PCDHGA4: variants seen among roughly 807,000 people sequenced by gnomAD.
The protein encoded by PCDHGA4 is protocadherin gamma subfamily A, 4.
In PCDHGA4, 38 loss-of-function variants were observed where a neutral mutation model predicts 54.6. That is an observed-to-expected ratio of 0.70 (90% CI 0.54 to 0.91). The LOEUF is 0.91. Ranked by LOEUF, PCDHGA4 falls within the 40% of genes least tolerant of loss-of-function variation. PCDHGA4 has a pLI of 0.00. For missense variants in PCDHGA4, 1,298 were observed against 1,220.9 expected, an observed-to-expected ratio of 1.06 and a Z score of -0.94; for synonymous variants, 511 against 512.9, an observed-to-expected ratio of 1.00 and a Z score of 0.05.
intron 2 of PCDHGA4, among the ~76,000 whole-genome samples, chr5:141,502,337 T>C (rs1562205634): frequency 6.6e-6 from 1 of 152,184 alleles, no homozygotes; most frequent in Admixed American, 6.5e-5. Flanking sequence ...CCCAGTCTTT[T>C]TATTTTTTTA....
intron 1 of PCDHGA4, chr5:141,423,051 C>T (rs200022455): frequency 1.7e-5 from 28 of 1,614,084 alleles, no homozygotes; most frequent in Non-Finnish European, 2.3e-5. Context: ...TGTCCTATCG[C>T]CTGCTTAAGG....
chr5:141,431,681 G>A lies in PCDHGA4; in HGVS notation c.2515-63126G>A. The A allele has an allele frequency of 6.2e-7, 1 of 1,614,214 alleles. No homozygotes were observed. The highest frequency in any genetic ancestry group is 1.1e-5 in the South Asian group (1 of 91,086). ...GACAATATCAACAATAGGGGAGTTG[G>A]ACCACGAGGAGTCAGGATTCTACCA... On this transcript the variant is annotated intron_variant, in intron 1 of 3. Coordinates refer to ENST00000571252, the MANE Select transcript of PCDHGA4 (RefSeq NM_018917.4). This position sits in a 1 kb window ranked among gnomAD's most constrained non-coding sequence, Gnocchi z 4.8.
At chr5:141,360,253 G>A in intron 1 of PCDHGA4, 1 of 1,613,900 alleles carries the variant, frequency 6.2e-7, no homozygotes, top group Non-Finnish European at 8.5e-7. Flanking sequence ...AATTCCAGAG[G>A]AGCTGGCCAA....
At chr5:141,433,358 C>CCTGCCTAT (rs1554125966) in intron 1 of PCDHGA4, 1 of 498,106 alleles carries the variant, frequency 2.0e-6, no homozygotes, top group Non-Finnish European at 3.5e-6. Flanking sequence ...CTACTGTCTG[C>CCTGCCTAT]CTATCTATCT....
rs1186225096 is a variant in PCDHGA4, at chr5:141,490,605, C to G, written c.2515-4202C>G. The G allele has an allele frequency of 1.1e-5, 18 of 1,614,198 alleles. No homozygotes were observed. Among genetic ancestry groups the G allele is most frequent in the Non-Finnish European group, 1.5e-5 (18 of 1,180,030 alleles). On this transcript the variant is annotated intron_variant, in intron 1 of 3. Transcript: ENST00000571252. The surrounding 1 kb of genome is among the most constrained non-coding windows in gnomAD (Gnocchi z 5.4). ...TCAATGACAATGCACCCCGCTTCAACCAGCAGCTTTACACTGCTTACATCC... is the reference window on the plus strand; with the variant it reads ...TCAATGACAATGCACCCCGCTTCAAGCAGCAGCTTTACACTGCTTACATCC...
rs534304763 is a variant in PCDHGA4 at position 141,394,533 on chromosome 5, G to A, written c.2514+36912G>A. On this transcript the variant is annotated intron_variant, in intron 1 of 3. Transcript: ENST00000571252. The stretch of plus-strand genomic sequence containing the variant: ...CGCCCTCCCCACAGACGGTTCCACT[G>A]GCGTGGAGCTGGCGCCCCGCTCCGC... The A allele has an allele frequency of 2.1e-5, 34 of 1,614,210 alleles. 1 individual carries two copies. In the South Asian group the frequency reaches 3.0e-4, roughly 14 times the overall value.
rs2095830931 is a variant in PCDHGA4 at position 141,415,116 on chromosome 5, A to G, written c.2514+57495A>G. 3 of 1,613,652 alleles carry G rather than the reference A, an allele frequency of 1.9e-6. No individual in the cohort carries two copies. The East Asian group carries it at 6.7e-5, about 36-fold the overall frequency. On this transcript the variant is annotated intron_variant, in intron 1 of 3. Transcript: ENST00000571252. The stretch of plus-strand genomic sequence containing the variant: ...GAGACGCGCTCAAGCAAAGCCTCGT[A>G]GTGGCCGTCCAGGACCACGGCCAGC...
rs770930842 is a variant in PCDHGA4 at position 141,432,673 on chromosome 5, C to G, written c.2515-62134C>G. 10 of 1,613,804 alleles carry G rather than the reference C, an allele frequency of 6.2e-6. No homozygotes were observed. The East Asian group carries it at 1.3e-4, about 22-fold the overall frequency. ...GAGCCCTGCTGGACAGAGACGCGCT[C>G]AAGCAGAGCCTCGTAGTGGCCGTCC... is the stretch of plus-strand genomic sequence containing the variant. On this transcript the variant is annotated intron_variant, in intron 1 of 3. Transcript: ENST00000571252. The surrounding 1 kb of genome is among the most constrained non-coding windows in gnomAD (Gnocchi z 6.0).
At chr5:141,413,353 C>T (rs2095629361) in intron 1 of PCDHGA4, 2 of 1,613,844 alleles carry the variant, frequency 1.2e-6, no homozygotes, top group Middle Eastern at 1.6e-4. Context: ...GGGTCTGGCG[C>T]CCCGGGAGCT....
Position 141,389,843 on chromosome 5 carries a change from G to C in PCDHGA4, c.2514+32222G>C, listed in dbSNP as rs372102656. On this transcript the variant is annotated intron_variant, in intron 1 of 3. Coordinates refer to ENST00000571252, the MANE Select transcript of PCDHGA4 (RefSeq NM_018917.4). The stretch of plus-strand genomic sequence containing the variant: ...GTGACGGTGGACAGCCACCACTCTC[G>C]GCCACTGCCACGTTGCACCTGGTCT... 2.4e-5 allele frequency: 39 copies of C among 1,614,016 alleles called. No homozygotes were observed. The African/African-American group carries it at 4.1e-4, about 17-fold the overall frequency.
intron 1 of PCDHGA4, chr5:141,430,640 G>A (rs902915974): frequency 1.1e-6 from 1 of 916,196 alleles, no homozygotes; most frequent in East Asian, 2.7e-5. Flanking sequence ...ATCCCTGGGA[G>A]TATGTGGAAA....
At chr5:141,364,328 G>A in intron 1 of PCDHGA4, 1 of 1,530,786 alleles carries the variant, frequency 6.5e-7, no homozygotes. Context: ...CAGAGAGAAG[G>A]CAATGGCGAG....
chr5:141,382,940 T>A, intron 1 of PCDHGA4: 1 of 1,595,270 alleles, frequency 6.3e-7, no homozygotes, highest in Non-Finnish European at 8.6e-7. Flanking sequence ...AGAGGATTCT[T>A]CCTGCTCTCC....
intron 1 of PCDHGA4, among the ~76,000 whole-genome samples, chr5:141,444,942 A>C (rs1272061494): frequency 6.6e-6 from 1 of 152,082 alleles, no homozygotes; most frequent in Non-Finnish European, 1.5e-5. Flanking sequence ...AGGAGGGAGG[A>C]GGATCATCTT....
intron 1 of PCDHGA4, among the ~76,000 whole-genome samples, chr5:141,464,370 T>C (rs1239284694): frequency 6.6e-6 from 1 of 151,828 alleles, no homozygotes. Context: ...CCAATATTTT[T>C]GCAATATAAA....
At chr5:141,460,411 T>TG (rs2098988114) in intron 1 of PCDHGA4, among the ~76,000 whole-genome samples, 1 of 152,212 alleles carries the variant, frequency 6.6e-6, no homozygotes, top group Non-Finnish European at 1.5e-5. Context: ...TTTGAGTTGA[T>TG]GTTTATGTAT....
chr5:141,485,387 C>T lies in PCDHGA4; in HGVS notation c.2515-9420C>T. The T allele has an allele frequency of 6.2e-7, 1 of 1,614,078 alleles. No homozygotes were observed. Among genetic ancestry groups the T allele is most frequent in the Non-Finnish European group, 8.5e-7 (1 of 1,179,994 alleles). On this transcript the variant is annotated intron_variant, in intron 1 of 3. Coordinates refer to ENST00000571252, the MANE Select transcript of PCDHGA4 (RefSeq NM_018917.4). This position sits in a 1 kb window ranked among gnomAD's most constrained non-coding sequence, Gnocchi z 5.7. ...GCTGCAGGTCGCTGGAGAGGTGAAC[C>T]AAAGACACTTCCGTGTGGATTTGGA...
chr5:141,499,689 C>CTTTT (rs545067566), intron 2 of PCDHGA4, among the ~76,000 whole-genome samples: 17 of 119,848 alleles, frequency 1.4e-4, no homozygotes, highest in East Asian at 2.4e-4. Context: ...TAACAGATGA[C>CTTTT]TTTTTTTTTT....
At chr5:141,426,480 C>T (rs1379758117) in intron 1 of PCDHGA4, 4 of 325,590 alleles carry the variant, frequency 1.2e-5, no homozygotes, top group Non-Finnish European at 1.8e-5. Flanking sequence ...TGACCTGAAA[C>T]CTTAGAGTTA....
Sources: gnomAD v4.1 joint callset for allele counts (sites outside exome capture counted in the v4.1 genomes callset) on GRCh38, gnomAD v4.1.1 for gene constraint, Gnocchi (gnomAD v3.1) non-coding constraint, MANE v1.5 for transcripts, NCBI Gene and HGNC (gene_info 2026-07-23, HGNC 2026-07-21) for gene names.